The following DHX34 variants were observed in gnomAD, a reference collection of about 807,000 sequenced individuals.
The protein encoded by DHX34 is probable ATP-dependent RNA helicase DHX34.
A neutral mutation model predicts 111.1 loss-of-function variants in DHX34; 96 were observed. The ratio of observed to expected loss-of-function variants is 0.86; its 90% CI spans 0.73 to 1.02. The LOEUF (loss-of-function observed/expected upper bound fraction) is 1.02. DHX34 is among the 50% of genes least tolerant of loss of function. DHX34 has a pLI of 0.00. For missense variants in DHX34, 1,560 were observed against 1,579.9 expected, an observed-to-expected ratio of 0.99 and a Z score of 0.21; for synonymous variants, 688 against 670.4, an observed-to-expected ratio of 1.03 and a Z score of -0.41.
At chr19:47,368,467 C>T (rs1449168580) in intron 7 of DHX34, among the ~76,000 whole-genome samples, 11 of 149,360 alleles carry the variant, frequency 7.4e-5, no homozygotes, top group Non-Finnish European at 1.0e-4. Flanking sequence ...CCACCATGCC[C>T]GGCTAATTTT....
At position 47,358,120 on chromosome 19, in the gene DHX34, G is replaced by C; in HGVS notation, c.1272G>C (p.Lys424Asn). 6.2e-7 allele frequency: 1 copy of C among 1,601,390 alleles called. No homozygotes were observed. Among genetic ancestry groups the C allele is most frequent in the Non-Finnish European group, 8.5e-7 (1 of 1,170,148 alleles). The part of the protein sequence containing the change: ...HSALSVADQD[K>N]VFDVAPPGVR... ...CCCTGTCTGTGGCCGACCAGGACAA[G>C]GTATCACAGGAAGCCCGAGTGGGGC... The change falls in exon 4 of 17, where the codon AAG (lysine) becomes AAC (asparagine). Residue 424 changes from lysine to asparagine, a missense_variant and splice_region_variant. Lys to Asn is a moderately conservative substitution (Grantham distance 94). Coordinates refer to ENST00000328771, the MANE Select transcript of DHX34 (RefSeq NM_014681.6).
chr19:47,373,677 G>A lies in DHX34; in HGVS notation c.2041G>A (p.Ala681Thr), dbSNP rs759835899. 6.2e-7 allele frequency: 1 copy of A among 1,613,918 alleles called. No individual in the cohort carries two copies. Among genetic ancestry groups the A allele is most frequent in the Non-Finnish European group, 8.5e-7 (1 of 1,179,930 alleles). ...GIEEHRLYEM[A>T]NLRRQFKELL... ...AGAGGAGCATCGACTGTACGAAATGGCCAACCTTCGGCGCCAGTTCAAGGT... is the reference window on the plus strand; with the variant it reads ...AGAGGAGCATCGACTGTACGAAATGACCAACCTTCGGCGCCAGTTCAAGGT... Residue 681 changes from alanine to threonine, a missense_variant, in exon 9 of 17, where the codon GCC (alanine) becomes ACC (threonine). Physicochemically the swap from Ala to Thr is moderately conservative, Grantham distance 58. Coordinates refer to ENST00000328771, the MANE Select transcript of DHX34 (RefSeq NM_014681.6).
chr19:47,375,871 T>C (rs1459778536), intron 10 of DHX34, 53 bp from the exon 11 acceptor site: 1 of 1,545,662 alleles, frequency 6.5e-7, no homozygotes, highest in Non-Finnish European at 8.7e-7. Flanking sequence ...CTGCGGATCA[T>C]GGTAGGAGCC....
chr19:47,375,229 A>G (rs780739787), intron 9 of DHX34: 13 of 956,442 alleles, frequency 1.4e-5, no homozygotes, highest in Non-Finnish European at 1.6e-5. Context: ...GCTGTGGGAA[A>G]AGGCACTGGA....
chr19:47,371,715 T>TC (rs1429074264), intron 7 of DHX34, among the ~76,000 whole-genome samples: 1 of 152,186 alleles, frequency 6.6e-6, no homozygotes, highest in Non-Finnish European at 1.5e-5. Context: ...TTCTTCTGCC[T>TC]CAGCCTCCCA....
intron 13 of DHX34, 78 bp from the exon 14 acceptor site, chr19:47,379,632 C>G: frequency 3.3e-6 from 5 of 1,512,356 alleles, no homozygotes; most frequent in Non-Finnish European, 4.4e-6. Context: ...TGGGCAGGAG[C>G]CCAGCCGGGC....
intron 4 of DHX34, among the ~76,000 whole-genome samples, chr19:47,358,517 G>A (rs560179330): frequency 6.1e-4 from 92 of 151,552 alleles, no homozygotes; most frequent in African/African-American, 2.2e-3. Context: ...GCAGTGGCAC[G>A]ATCAGGGCTC....
intron 7 of DHX34, 46 bp from the exon 8 acceptor site, chr19:47,372,684 C>T: frequency 6.6e-7 from 1 of 1,524,272 alleles, no homozygotes; most frequent in East Asian, 2.4e-5. Flanking sequence ...GAGGGCTGCG[C>T]CTGTCCTGGC....
chr19:47,352,486 G>C (rs899130283), intron 1 of DHX34, among the ~76,000 whole-genome samples: 1 of 152,074 alleles, frequency 6.6e-6, no homozygotes, highest in Non-Finnish European at 1.5e-5. Context: ...TATCAACCTG[G>C]GCAACATAGT....
chr19:47,373,344 G>A (rs972143401), intron 8 of DHX34: 5 of 452,938 alleles, frequency 1.1e-5, no homozygotes, highest in African/African-American at 1.1e-4. Context: ...ACAGACCACT[G>A]ATGTGACAGT....
chr19:47,373,625 TC>T lies in DHX34; in HGVS notation c.1990del (p.Arg664AlafsTer9), dbSNP rs1355221685. 5.0e-6 allele frequency: 8 copies of T among 1,613,888 alleles called. No homozygotes were observed. The highest frequency in any genetic ancestry group is 6.8e-6 in the Non-Finnish European group (8 of 1,179,946). On this transcript the variant is annotated frameshift_variant, in exon 9 of 17. Coordinates refer to ENST00000328771, the MANE Select transcript of DHX34 (RefSeq NM_014681.6). LOFTEE classifies it high-confidence loss of function. ...QVKSERSRNS[R>X]KWCRRRGIEE... ...TGAAATCTGAACGGAGCAGAAACTC[TC>T]GCAAGTGGTGCCGCCGCCGGGGCAT...
At position 47,352,084 on chromosome 19, in the gene DHX34, TCTG is replaced by T. The variant is rs1403928740; in HGVS notation, c.-277-666_-277-664del. On this transcript the variant is annotated intron_variant, in intron 1 of 16. Coordinates refer to ENST00000328771, the MANE Select transcript of DHX34 (RefSeq NM_014681.6). ...CTATTACTGCCTGTGGAGACAAGGT[TCTG>T]CTGTTGGTTGGCCATGTGACCTACA... Among the ~76,000 whole-genome samples, 12 of 152,352 alleles carry T rather than the reference TCTG, an allele frequency of 7.9e-5. No homozygotes were observed. In the East Asian group the frequency reaches 2.3e-3, roughly 29 times the overall value.
At chr19:47,375,406 A>G in intron 9 of DHX34, 60 bp from the exon 10 acceptor site, 1 of 1,483,824 alleles carries the variant, frequency 6.7e-7, no homozygotes, top group Non-Finnish European at 8.9e-7. Context: ...CCCCATTTCC[A>G]TGAGTCCAGA....
At position 47,357,967 on chromosome 19, in the gene DHX34, C is replaced by G. The variant is rs756452016; in HGVS notation, c.1119C>G (p.Tyr373Ter). 2.5e-6 allele frequency: 4 copies of G among 1,613,914 alleles called. No homozygotes were observed. Among genetic ancestry groups the G allele is most frequent in the Non-Finnish European group, 3.4e-6 (4 of 1,180,058 alleles). The change falls in exon 4 of 17, where the codon TAC becomes TAG. Residue 373 changes from tyrosine to a stop codon, truncating the protein, a stop_gained. Transcript: ENST00000328771. LOFTEE classifies it high-confidence loss of function. The stretch of plus-strand genomic sequence containing the variant: ...TGCTGGAGTCCATTGACCACAAGTA[C>G]CCGCCTGAGGAGCGGGGTGACCTCC... ...LRVLESIDHKYPPEERGDLLV... is the reference protein window; with the variant it reads ...LRVLESIDHK
chr19:47,373,643 C>T lies in DHX34; in HGVS notation c.2007C>T (p.Arg669=). The change falls in exon 9 of 17, where the codon CGC becomes CGT. Residue 669 remains arginine (R), a synonymous_variant. Transcript: ENST00000328771. ...RSRNSRKWCR[R]RGIEEHRLYE... ...GAAACTCTCGCAAGTGGTGCCGCCG[C>T]CGGGGCATAGAGGAGCATCGACTGT... 1 of 1,614,028 alleles carries T rather than the reference C, an allele frequency of 6.2e-7. No individual in the cohort carries two copies. The highest frequency in any genetic ancestry group is 1.1e-5 in the South Asian group (1 of 91,086).
At chr19:47,373,948 C>T (rs1970052189) in intron 9 of DHX34, among the ~76,000 whole-genome samples, 2 of 152,122 alleles carry the variant, frequency 1.3e-5, no homozygotes, top group Non-Finnish European at 2.9e-5. Context: ...AAGAGCTCGC[C>T]CTCCGGACTG....
intron 13 of DHX34, 63 bp from the exon 14 acceptor site, chr19:47,379,647 C>T: frequency 6.5e-7 from 1 of 1,529,956 alleles, no homozygotes. Context: ...CCGGGCAGGG[C>T]CTGTCTCCAA....
chr19:47,364,731 C>T (rs1307383958), intron 6 of DHX34, among the ~76,000 whole-genome samples: 2 of 152,136 alleles, frequency 1.3e-5, no homozygotes, highest in East Asian at 3.9e-4. Flanking sequence ...GAGCAAGACC[C>T]TGTCTCATAA....
chr19:47,362,442 A>G (rs750241552), intron 5 of DHX34, 34 bp from the exon 6 acceptor site: 6 of 1,500,452 alleles, frequency 4.0e-6, no homozygotes, highest in Non-Finnish European at 5.3e-6. Flanking sequence ...TGGCTGCCAC[A>G]CACAGACTCC....
Sources: gnomAD v4.1 joint callset for allele counts (sites outside exome capture counted in the v4.1 genomes callset) on GRCh38, gnomAD v4.1.1 for gene constraint, MANE v1.5 for transcripts, NCBI Gene and HGNC (gene_info 2026-07-23, HGNC 2026-07-21) for gene names.